Variants in CSMD2 observed in about 807,000 individuals in gnomAD.
CSMD2 encodes the protein CUB and Sushi multiple domains 2, also known as CUB and sushi domain-containing protein 2.
CSMD2 carries 130 observed loss-of-function variants against 398.5 expected under a neutral mutation model. The ratio of observed to expected loss-of-function variants is 0.33; its 90% CI spans 0.28 to 0.38. The LOEUF is 0.38. Ranked by LOEUF, CSMD2 falls within the 10% of genes least tolerant of loss-of-function variation. The pLI is 1.00. For synonymous variants in CSMD2, 1,828 were observed against 1,908.5 expected, an observed-to-expected ratio of 0.96 and a Z score of 1.10; for missense variants, 3,829 against 4,764.9, an observed-to-expected ratio of 0.80 and a Z score of 5.78.
At chr1:33,583,215 C>T (rs1638852413) in intron 47 of CSMD2, among the ~76,000 whole-genome samples, 1 of 152,192 alleles carries the variant, frequency 6.6e-6, no homozygotes, top group Non-Finnish European at 1.5e-5. Flanking sequence ...TTTTTAGGGT[C>T]CAGTGGTCTG....
At chr1:33,548,595 G>C (rs565854621) in intron 56 of CSMD2, among the ~76,000 whole-genome samples, 2 of 152,206 alleles carry the variant, frequency 1.3e-5, no homozygotes, top group Non-Finnish European at 2.9e-5. Context: ...GGACTGGCAG[G>C]AGATGCCACT....
At chr1:33,618,753 G>T (rs1419947976) in intron 37 of CSMD2, among the ~76,000 whole-genome samples, 3 of 151,904 alleles carry the variant, frequency 2.0e-5, no homozygotes, top group Non-Finnish European at 4.4e-5. Context: ...CTTCAAGCAG[G>T]TCTTCACATC....
intron 64 of CSMD2, among the ~76,000 whole-genome samples, chr1:33,529,847 G>A (rs1042174269): frequency 6.6e-6 from 1 of 152,114 alleles, no homozygotes; most frequent in African/African-American, 2.4e-5. Context: ...AAGACACCCC[G>A]TGAAATGGGA....
intron 1 of CSMD2, among the ~76,000 whole-genome samples, chr1:34,132,732 A>G (rs1463346756): frequency 6.6e-6 from 1 of 152,198 alleles, no homozygotes; most frequent in African/African-American, 2.4e-5. Flanking sequence ...CCCTGCCATA[A>G]GATATCAGAG....
chr1:33,926,930 C>T (rs1553254738), intron 4 of CSMD2, among the ~76,000 whole-genome samples: 1 of 152,176 alleles, frequency 6.6e-6, no homozygotes, highest in Non-Finnish European at 1.5e-5. Flanking sequence ...GAAAACAGGA[C>T]ATTATCCTCT....
intron 12 of CSMD2, among the ~76,000 whole-genome samples, chr1:33,778,121 C>T (rs1279023909): frequency 2.0e-5 from 3 of 152,180 alleles, no homozygotes; most frequent in Non-Finnish European, 2.9e-5. Context: ...GTTACCTCCT[C>T]CAAGACATTT....
chr1:34,001,097 T>G (rs547396862), intron 3 of CSMD2, among the ~76,000 whole-genome samples: 1 of 151,794 alleles, frequency 6.6e-6, no homozygotes, highest in Admixed American at 6.6e-5. Context: ...AGGAATGAAT[T>G]AAACATATCT....
In CSMD2 at chr1:33,544,412, C is replaced by T. The variant is rs887029808; in HGVS notation, c.9101-1516G>A. On this transcript the variant is annotated intron_variant, in intron 57 of 70. Transcript: ENST00000373381. ...GATTACAGGCGTGAGCCACCGCGCC[C>T]GGCCTCCATATTTGTCTTGTATATT... 9.9e-5 allele frequency among the ~76,000 whole-genome samples: 15 copies of T among 152,156 alleles called. No individual in the cohort carries two copies. In the East Asian group the frequency reaches 1.2e-3, roughly 12 times the overall value.
intron 20 of CSMD2, 59 bp from the exon 21 acceptor site, chr1:33,714,834 A>G: frequency 1.9e-6 from 3 of 1,567,894 alleles, no homozygotes; most frequent in Non-Finnish European, 2.6e-6. Flanking sequence ...CAAAGCAAAA[A>G]GATGGGAACG....
chr1:33,523,238 C>T (rs533868406), intron 67 of CSMD2, 69 bp downstream of exon 67: 1 of 802,036 alleles, frequency 1.2e-6, no homozygotes, highest in South Asian at 1.6e-5. Flanking sequence ...GGTTTGCACA[C>T]CCTTTTGTCC....
intron 68 of CSMD2, among the ~76,000 whole-genome samples, chr1:33,520,647 C>T (rs756492327): frequency 2.6e-5 from 4 of 152,216 alleles, no homozygotes; most frequent in Non-Finnish European, 5.9e-5. Flanking sequence ...GCTGGGACAA[C>T]TCCGGGGGAG....
intron 2 of CSMD2, among the ~76,000 whole-genome samples, chr1:34,038,807 G>C (rs923857193): frequency 3.3e-5 from 5 of 152,108 alleles, no homozygotes; most frequent in Admixed American, 2.6e-4. Context: ...ATAATAAAAT[G>C]GACTTTAAAA....
chr1:33,788,773 G>T, intron 11 of CSMD2, 61 bp from the exon 12 acceptor site: 2 of 1,088,104 alleles, frequency 1.8e-6, no homozygotes, highest in South Asian at 1.3e-5. Context: ...TAGAATGATT[G>T]CCTGACCGAT....
intron 10 of CSMD2, among the ~76,000 whole-genome samples, chr1:33,805,406 A>G: frequency 6.6e-6 from 1 of 152,346 alleles, no homozygotes; most frequent in South Asian, 2.1e-4. Flanking sequence ...AATGTTGTGC[A>G]GAGGAAATCT....
intron 26 of CSMD2, among the ~76,000 whole-genome samples, chr1:33,660,395 G>A (rs1644094003): frequency 6.6e-6 from 1 of 152,134 alleles, no homozygotes; most frequent in African/African-American, 2.4e-5. Context: ...AGCACCCGGG[G>A]AAAGGCTGGA....
intron 3 of CSMD2, among the ~76,000 whole-genome samples, chr1:33,994,677 C>A (rs1380542509): frequency 2.6e-5 from 4 of 152,110 alleles, no homozygotes; most frequent in African/African-American, 9.7e-5. Context: ...ACCCTAGAAC[C>A]ACTTCCCTAA....
In CSMD2 at chr1:34,065,764, T is replaced by C. The variant is rs1531856; in HGVS notation, c.404+23213A>G. On this transcript the variant is annotated intron_variant, in intron 2 of 70. Transcript: ENST00000373381. ...TAAATTCCTATTATCATTATTGCCA[T>C]CTATATGCACAACCTCTAAATCATG... Among the ~76,000 whole-genome samples the C allele has an allele frequency of 1.6e-3, 237 of 152,334 alleles. 1 individual carries two copies. Among genetic ancestry groups the C allele is most frequent in the African/African-American group, 5.6e-3 (231 of 41,568 alleles).
At chr1:33,661,244 A>G (rs1197206736) in intron 26 of CSMD2, among the ~76,000 whole-genome samples, 3 of 152,174 alleles carry the variant, frequency 2.0e-5, no homozygotes, top group South Asian at 2.1e-4. Flanking sequence ...GTTGGAGAAA[A>G]TATGTCTGGC....
At chr1:33,569,647 C>T (rs1659399536) in intron 51 of CSMD2, 100 bp from the exon 52 acceptor site, 1 of 1,216,304 alleles carries the variant, frequency 8.2e-7, no homozygotes, top group African/African-American at 1.5e-5. Flanking sequence ...CCTGTTTAAC[C>T]TTACTCTGCT....
Sources: gnomAD v4.1 joint callset for allele counts (sites outside exome capture counted in the v4.1 genomes callset) on GRCh38, gnomAD v4.1.1 for gene constraint, MANE v1.5 for transcripts, NCBI Gene and HGNC (gene_info 2026-07-23, HGNC 2026-07-21) for gene names.